RABGAP1L: variants seen among roughly 807,000 people sequenced by gnomAD.
The protein encoded by RABGAP1L is rab GTPase-activating protein 1-like.
Under a neutral mutation model 137.7 loss-of-function variants are expected in RABGAP1L, and 63 were observed. The observed-to-expected ratio is 0.46, with a 90% confidence interval of 0.37 to 0.56. The LOEUF is 0.56. RABGAP1L is among the 20% of genes least tolerant of loss of function. The pLI is 0.00. For missense variants in RABGAP1L, 1,095 were observed against 1,244.0 expected, an observed-to-expected ratio of 0.88 and a Z score of 1.80; for synonymous variants, 431 against 433.7, an observed-to-expected ratio of 0.99 and a Z score of 0.08.
chr1:174,838,027 G>C (rs1437049286), intron 19 of RABGAP1L, among the ~76,000 whole-genome samples: 1 of 152,172 alleles, frequency 6.6e-6, no homozygotes, highest in African/African-American at 2.4e-5. Context: ...TTGAAAACTA[G>C]TAGTAGTAGC....
chr1:174,957,361 C>A, intron 19 of RABGAP1L, 96 bp from the exon 20 acceptor site: 1 of 934,924 alleles, frequency 1.1e-6, no homozygotes, highest in Non-Finnish European at 1.7e-6. Flanking sequence ...TGAGCATGTT[C>A]CCTTAGAATG....
chr1:174,475,312 T>G (rs143084719), intron 13 of RABGAP1L, among the ~76,000 whole-genome samples: 1 of 152,288 alleles, frequency 6.6e-6, no homozygotes, highest in African/African-American at 2.4e-5. Flanking sequence ...ATGCTTTTTT[T>G]TCTTTTAACA....
At chr1:174,561,557 C>G (rs1572331779) in intron 13 of RABGAP1L, among the ~76,000 whole-genome samples, 1 of 152,294 alleles carries the variant, frequency 6.6e-6, no homozygotes, top group South Asian at 2.1e-4. Flanking sequence ...CCAAGACAAT[C>G]CTAAGCAAAG....
intron 19 of RABGAP1L, chr1:174,877,479 A>C (rs748607964): frequency 6.2e-7 from 1 of 1,614,048 alleles, no homozygotes. Flanking sequence ...CTGCTGTGGA[A>C]AGGCCAGCTG....
intron 13 of RABGAP1L, among the ~76,000 whole-genome samples, chr1:174,555,540 C>CA (rs141399978): frequency 8.6e-5 from 13 of 151,378 alleles, no homozygotes; most frequent in South Asian, 4.2e-4. Flanking sequence ...GTCCCCCCCC[C>CA]AAAAAAAATG....
chr1:174,608,405 C>G (rs1417236551), intron 13 of RABGAP1L, among the ~76,000 whole-genome samples: 1 of 152,050 alleles, frequency 6.6e-6, no homozygotes, highest in Non-Finnish European at 1.5e-5. Flanking sequence ...TATGTCTTAG[C>G]CCAAGGCAAT....
At chr1:174,789,335 G>A (rs1007630097) in intron 18 of RABGAP1L, among the ~76,000 whole-genome samples, 1 of 152,156 alleles carries the variant, frequency 6.6e-6, no homozygotes, top group Non-Finnish European at 1.5e-5. Context: ...TAGTTGGACC[G>A]TGGTCTGTTT....
chr1:174,296,106 T>G lies in RABGAP1L; in HGVS notation c.1324-8880T>G, dbSNP rs940917484. Among the ~76,000 whole-genome samples the G allele has an allele frequency of 2.6e-5, 4 of 152,218 alleles. No homozygotes were observed. The South Asian group carries it at 8.3e-4, about 32-fold the overall frequency. On this transcript the variant is annotated intron_variant, in intron 10 of 25. Coordinates refer to ENST00000681986, the MANE Select transcript of RABGAP1L (RefSeq NM_001366446.1). ...GGGGTAAAATCATAAGAACATGATGTCAGGAAAGGCAAGAGAGGAAATAGT... is the reference window on the plus strand; with the variant it reads ...GGGGTAAAATCATAAGAACATGATGGCAGGAAAGGCAAGAGAGGAAATAGT...
chr1:174,205,231 A>G (rs1296164202), intron 1 of RABGAP1L, among the ~76,000 whole-genome samples: 1 of 152,122 alleles, frequency 6.6e-6, no homozygotes, highest in Non-Finnish European at 1.5e-5. Context: ...TTTTGCGTTG[A>G]TGTTCATCAA....
At chr1:174,370,892 C>A in intron 11 of RABGAP1L, 87 bp from the exon 12 acceptor site, 1 of 608,340 alleles carries the variant, frequency 1.6e-6, no homozygotes, top group Non-Finnish European at 2.7e-6. Context: ...TTTTATTAGA[C>A]ATGGAGTCAT....
intron 18 of RABGAP1L, among the ~76,000 whole-genome samples, chr1:174,759,309 T>C (rs1685027751): frequency 6.8e-6 from 1 of 146,238 alleles, no homozygotes. Context: ...AAAAAAGAAG[T>C]TTCAGCCAGG....
At chr1:174,765,635 T>A (rs1048571593) in intron 18 of RABGAP1L, among the ~76,000 whole-genome samples, 5 of 152,126 alleles carry the variant, frequency 3.3e-5, no homozygotes, top group African/African-American at 1.2e-4. Context: ...TCTTACTATG[T>A]TGCCCAGGCT....
At chr1:174,250,382 A>G (rs1672622360) in intron 5 of RABGAP1L, 93 bp from the exon 6 acceptor site, 1 of 908,220 alleles carries the variant, frequency 1.1e-6, no homozygotes, top group Non-Finnish European at 1.6e-6. Flanking sequence ...GAAAATTGTC[A>G]TGGAAAATTG....
chr1:174,198,313 GT>G (rs949632097), intron 1 of RABGAP1L, among the ~76,000 whole-genome samples: 15 of 152,174 alleles, frequency 9.9e-5, no homozygotes, highest in African/African-American at 3.6e-4. Flanking sequence ...GCCTTCAGGA[GT>G]TTCTTGAAGT....
intron 13 of RABGAP1L, among the ~76,000 whole-genome samples, chr1:174,432,789 G>C (rs1385099763): frequency 6.6e-6 from 1 of 152,140 alleles, no homozygotes; most frequent in African/African-American, 2.4e-5. Flanking sequence ...ACCTGCCTCG[G>C]CCTCTGAAAG....
chr1:174,500,033 G>C (rs575360647), intron 13 of RABGAP1L, among the ~76,000 whole-genome samples: 2 of 151,310 alleles, frequency 1.3e-5, no homozygotes, highest in South Asian at 4.2e-4. Flanking sequence ...TATGTTTGGA[G>C]TAGTGAAGTG....
chr1:174,526,275 A>G (rs2147866426), intron 13 of RABGAP1L, among the ~76,000 whole-genome samples: 1 of 152,158 alleles, frequency 6.6e-6, no homozygotes, highest in South Asian at 2.1e-4. Context: ...TTCTTCAAAG[A>G]TATTGACCTA....
intron 10 of RABGAP1L, among the ~76,000 whole-genome samples, chr1:174,280,083 G>GAGAGAGAGAGAGAGAGAC (rs1675382463): frequency 6.7e-6 from 1 of 149,832 alleles, no homozygotes; most frequent in Non-Finnish European, 1.5e-5. Flanking sequence ...GAGAGAGAGA[G>GAGAGAGAGAGAGAGAGAC]AGAGAGAGAC....
At chr1:174,890,048 C>T (rs1393540948) in intron 19 of RABGAP1L, among the ~76,000 whole-genome samples, 1 of 152,168 alleles carries the variant, frequency 6.6e-6, no homozygotes, top group East Asian at 1.9e-4. Flanking sequence ...TAGCTCTTAA[C>T]TGTTTCAAAA....
Sources: allele counts gnomAD v4.1 joint callset (sites outside exome capture counted in the v4.1 genomes callset), GRCh38; gene constraint gnomAD v4.1.1; transcripts MANE v1.5; gene names NCBI Gene and HGNC (gene_info 2026-07-23, HGNC 2026-07-21).